AGMO: variants seen among roughly 807,000 people sequenced by gnomAD.
The protein encoded by AGMO is alkylglycerol monooxygenase.
AGMO carries 75 observed loss-of-function variants against 60.2 expected under a neutral mutation model. That is an observed-to-expected ratio of 1.25 (90% confidence interval 1.03 to 1.51). The LOEUF (loss-of-function observed/expected upper bound fraction) is 1.51. Among genes scored for constraint, AGMO ranks in the 40% most tolerant of loss-of-function variants. AGMO has a pLI of 0.00. For synonymous variants in AGMO, 261 were observed against 177.1 expected (o/e 1.47, Z -3.76); for missense variants, 763 against 525.5 (o/e 1.45, Z -4.42).
chr7:15,363,375 CTA>C (rs1782840514), intron 12 of AGMO, among the ~76,000 whole-genome samples: 1 of 152,140 alleles, frequency 6.6e-6, no homozygotes, highest in Non-Finnish European at 1.5e-5. Flanking sequence ...GGAGCACTTA[CTA>C]TGTGTTAATC....
chr7:15,515,787 T>C (rs2196392), intron 3 of AGMO, among the ~76,000 whole-genome samples: 113,151 of 152,156 alleles, frequency 0.74, 42,648 homozygotes, highest in East Asian at 0.96. Flanking sequence ...AATGAAGTCA[T>C]TTTGTTATTT....
chr7:15,379,682 G>C (rs1486835106), intron 10 of AGMO, among the ~76,000 whole-genome samples: 1 of 151,996 alleles, frequency 6.6e-6, no homozygotes, highest in Non-Finnish European at 1.5e-5. Context: ...GTACAAAGAA[G>C]AGCTGGTACC....
At chr7:15,340,772 C>G (rs1219954495) in intron 12 of AGMO, among the ~76,000 whole-genome samples, 1 of 152,076 alleles carries the variant, frequency 6.6e-6, no homozygotes, top group East Asian at 1.9e-4. Context: ...GGGTGGAGCC[C>G]TCATGGAAAA....
At chr7:15,423,339 A>T (rs1583536241) in intron 4 of AGMO, among the ~76,000 whole-genome samples, 1 of 152,204 alleles carries the variant, frequency 6.6e-6, no homozygotes, top group Non-Finnish European at 1.5e-5. Context: ...TCCTTAAGAC[A>T]TATCTACTTA....
chr7:15,254,757 G>A (rs1022136575), intron 12 of AGMO, among the ~76,000 whole-genome samples: 7 of 148,854 alleles, frequency 4.7e-5, no homozygotes, highest in African/African-American at 1.7e-4. Flanking sequence ...AAAAAAAGAA[G>A]ACTCAAACAA....
rs187064344 is a variant in AGMO, at chr7:15,527,978, T to C, written c.409+16794A>G. On this transcript the variant is annotated intron_variant, in intron 3 of 12. Transcript: ENST00000342526. The stretch of plus-strand genomic sequence containing the variant: ...TATTACTGCTTCTTGTCAATGTACA[T>C]GGTCTCCCATGAGCTCTGATGAAGA... Among the ~76,000 whole-genome samples the C allele has an allele frequency of 2.0e-5, 3 of 152,294 alleles. No homozygotes were observed. In the East Asian group the frequency reaches 5.8e-4, roughly 29 times the overall value.
At chr7:15,175,786 T>C in the AGMO span, among the ~76,000 whole-genome samples, 15 of 152,022 alleles carry the variant, frequency 9.9e-5, no homozygotes, top group Admixed American at 2.6e-4. Context: ...GATTAAATAT[T>C]ATTTTCAAAT....
intron 12 of AGMO, among the ~76,000 whole-genome samples, chr7:15,212,170 A>G (rs753059198): frequency 2.5e-4 from 38 of 151,918 alleles, no homozygotes; most frequent in Non-Finnish European, 4.9e-4. Flanking sequence ...AAGTCACAAA[A>G]TAGTAACCCT....
intron 12 of AGMO, among the ~76,000 whole-genome samples, chr7:15,277,281 G>T (rs929714181): frequency 2.0e-5 from 3 of 150,744 alleles, no homozygotes; most frequent in Non-Finnish European, 4.4e-5. Context: ...CTCCAACATG[G>T]GTTACAGAGC....
At chr7:15,426,092 T>G (rs925864185) in intron 4 of AGMO, among the ~76,000 whole-genome samples, 1 of 152,186 alleles carries the variant, frequency 6.6e-6, no homozygotes, top group African/African-American at 2.4e-5. Flanking sequence ...TACTGTAATT[T>G]TTGGAGTGTC....
chr7:15,421,706 G>A (rs1780930716), intron 4 of AGMO, among the ~76,000 whole-genome samples: 1 of 152,136 alleles, frequency 6.6e-6, no homozygotes, highest in Non-Finnish European at 1.5e-5. Flanking sequence ...GGAATGTCGT[G>A]TTGGGGTCTA....
chr7:15,139,311 T>C, the AGMO span, among the ~76,000 whole-genome samples: 2 of 152,210 alleles, frequency 1.3e-5, no homozygotes, highest in Non-Finnish European at 2.9e-5. Flanking sequence ...ACTGCTTATA[T>C]AGTATTCTCC....
At chr7:15,207,484 G>A (rs775871244) in intron 12 of AGMO, among the ~76,000 whole-genome samples, 1 of 151,848 alleles carries the variant, frequency 6.6e-6, no homozygotes, top group Non-Finnish European at 1.5e-5. Flanking sequence ...TATAAACACC[G>A]ACACACTTCT....
intron 12 of AGMO, among the ~76,000 whole-genome samples, chr7:15,318,042 A>G (rs1438782247): frequency 1.4e-5 from 2 of 146,450 alleles, no homozygotes; most frequent in Admixed American, 1.4e-4. Flanking sequence ...ATCTTGCTCT[A>G]TCACCCAGGC....
intron 3 of AGMO, among the ~76,000 whole-genome samples, chr7:15,540,833 A>G (rs1480111978): frequency 6.6e-6 from 1 of 152,196 alleles, no homozygotes; most frequent in Non-Finnish European, 1.5e-5. Flanking sequence ...TTATGAATTT[A>G]ACTTTCTATA....
At chr7:15,271,390 G>A (rs1783606628) in intron 12 of AGMO, among the ~76,000 whole-genome samples, 1 of 152,136 alleles carries the variant, frequency 6.6e-6, no homozygotes, top group African/African-American at 2.4e-5. Context: ...CAGCTTCTTG[G>A]TTAAATGTAT....
intron 5 of AGMO, among the ~76,000 whole-genome samples, chr7:15,406,319 G>GTA (rs553656155): frequency 2.2e-5 from 3 of 138,256 alleles, no homozygotes; most frequent in South Asian, 4.4e-4. Context: ...ATATATATGT[G>GTA]TATATATATG....
the AGMO span, among the ~76,000 whole-genome samples, chr7:15,129,021 G>T: frequency 2.6e-5 from 4 of 152,056 alleles, no homozygotes; most frequent in African/African-American, 4.8e-5. Context: ...TGCGGGTGGT[G>T]GTGGGCTTAC....
At chr7:15,212,122 T>C (rs1781608413) in intron 12 of AGMO, among the ~76,000 whole-genome samples, 1 of 151,750 alleles carries the variant, frequency 6.6e-6, no homozygotes, top group Admixed American at 6.6e-5. Flanking sequence ...TATTAAAATG[T>C]TCAGTCCAGA....
Sources: gnomAD v4.1 joint callset for allele counts (sites outside exome capture counted in the v4.1 genomes callset) on GRCh38, gnomAD v4.1.1 for gene constraint, MANE v1.5 for transcripts, NCBI Gene and HGNC (gene_info 2026-07-23, HGNC 2026-07-21) for gene names.